The following NFIB variants were observed in gnomAD, a reference collection of about 807,000 sequenced individuals.
The protein encoded by NFIB is nuclear factor 1 B-type.
NFIB carries 11 observed loss-of-function variants against 61.5 expected under a neutral mutation model. The observed-to-expected ratio is 0.18, with a 90% CI of 0.11 to 0.30. NFIB has a LOEUF of 0.30. Among genes scored for constraint, NFIB ranks in the 10% least tolerant of loss-of-function variants. The pLI is 1.00. For synonymous variants in NFIB, 260 were observed against 216.5 expected, an observed-to-expected ratio of 1.20 and a Z score of -1.76; for missense variants, 471 against 608.9, an observed-to-expected ratio of 0.77 and a Z score of 2.38.
intron 2 of NFIB, among the ~76,000 whole-genome samples, chr9:14,255,297 CT>C (rs1388635011): frequency 6.6e-6 from 1 of 152,134 alleles, no homozygotes; most frequent in Non-Finnish European, 1.5e-5. Flanking sequence ...TTTTTTGATT[CT>C]GCAACTGTAA....
At chr9:14,385,096 A>G (rs2061534074) in intron 1 of NFIB, among the ~76,000 whole-genome samples, 1 of 152,216 alleles carries the variant, frequency 6.6e-6, no homozygotes, top group Non-Finnish European at 1.5e-5. Flanking sequence ...AAGAGCTAAC[A>G]ATCCTCAGGG....
At chr9:14,290,127 T>C (rs1297392753) in intron 2 of NFIB, among the ~76,000 whole-genome samples, 1 of 151,982 alleles carries the variant, frequency 6.6e-6, no homozygotes, top group Admixed American at 6.6e-5. Flanking sequence ...TATCATGTCT[T>C]TGTACTCTAG....
At chr9:14,167,084 G>T (rs921465303) in intron 3 of NFIB, among the ~76,000 whole-genome samples, 5 of 37,614 alleles carry the variant, frequency 1.3e-4, no homozygotes, top group South Asian at 1.8e-3. Flanking sequence ...TGTGTGTGTC[G>T]GGGGGGGGGG....
At chr9:14,447,151 G>A in the NFIB span, among the ~76,000 whole-genome samples, 1 of 152,086 alleles carries the variant, frequency 6.6e-6, no homozygotes, top group African/African-American at 2.4e-5. Flanking sequence ...ATAGTTTATT[G>A]TTTCTGTTTC....
chr9:14,413,945 G>A, the NFIB span, among the ~76,000 whole-genome samples: 1 of 152,174 alleles, frequency 6.6e-6, no homozygotes, highest in Non-Finnish European at 1.5e-5. Flanking sequence ...GAGTGTTCCT[G>A]TGGAAATCCT....
rs986818851 is a variant in NFIB, at chr9:14,120,255, C to T, written c.1245+185G>A. Among the ~76,000 whole-genome samples, 2 of 152,166 alleles carry T rather than the reference C, an allele frequency of 1.3e-5. No individual in the cohort carries two copies. Among genetic ancestry groups the T allele is most frequent in the Non-Finnish European group, 2.9e-5 (2 of 68,032 alleles). On this transcript the variant is annotated intron_variant, in intron 8 of 10. Transcript: ENST00000380953. This position sits in a 1 kb window ranked among gnomAD's most constrained non-coding sequence, Gnocchi z 4.4. ...CACAAATGTACCCTTTGGGGCAACACACTTCCTACCTGTCATTCAGCCACC... is the reference window on the plus strand; with the variant it reads ...CACAAATGTACCCTTTGGGGCAACATACTTCCTACCTGTCATTCAGCCACC...
intron 1 of NFIB, chr9:14,322,008 G>C (rs2060672521): frequency 8.2e-7 from 1 of 1,226,338 alleles, no homozygotes; most frequent in East Asian, 3.2e-5. Flanking sequence ...CCGCTGACTT[G>C]ACGTGTCTCA....
intron 2 of NFIB, among the ~76,000 whole-genome samples, chr9:14,193,925 C>T (rs901029272): frequency 1.3e-5 from 2 of 152,034 alleles, no homozygotes; most frequent in Non-Finnish European, 2.9e-5. Flanking sequence ...AGCATTGCAC[C>T]CTATGCAATG....
the NFIB span, among the ~76,000 whole-genome samples, chr9:14,503,075 G>C: frequency 6.6e-6 from 1 of 150,766 alleles, no homozygotes; most frequent in Admixed American, 6.6e-5. Context: ...TTATGGCTGA[G>C]TAGTATTTTA....
At chr9:14,236,290 C>T (rs10961443) in intron 2 of NFIB, among the ~76,000 whole-genome samples, 3 of 152,088 alleles carry the variant, frequency 2.0e-5, no homozygotes, top group Admixed American at 6.6e-5. Context: ...CTTCTAACTT[C>T]TCTCTGCCCT....
rs2061499912 is a variant in NFIB at position 14,382,435 on chromosome 9, TC to T, written c.108+16088del. On this transcript the variant is annotated intron_variant, in intron 1 of 8. Transcript: ENST00000380934. ...ATTTGGAAGATGACCGATCCACTCTTCCCAGTAGAATATAAGTAAGTACTGT... is the reference window on the plus strand; with the variant it reads ...ATTTGGAAGATGACCGATCCACTCTTCCAGTAGAATATAAGTAAGTACTGT... 2.6e-5 allele frequency among the ~76,000 whole-genome samples: 4 copies of T among 152,086 alleles called. No individual in the cohort carries two copies. In the South Asian group the frequency reaches 8.3e-4, roughly 31 times the overall value.
the NFIB span, among the ~76,000 whole-genome samples, chr9:14,456,955 G>T: frequency 6.6e-6 from 1 of 152,124 alleles, no homozygotes; most frequent in South Asian, 2.1e-4. Flanking sequence ...TTTGGACGAT[G>T]GCTAAATAAA....
chr9:14,231,135 A>AATATATATATATAT lies in NFIB; in HGVS notation c.563-51369_563-51356dup, dbSNP rs1554681460. Among the ~76,000 whole-genome samples the AATATATATATATAT allele has an allele frequency of 4.2e-4, 15 of 35,342 alleles. 1 individual carries two copies. The highest frequency in any genetic ancestry group is 2.5e-3 in the East Asian group (3 of 1,178). 23.2% of individuals were successfully genotyped at this position (35,342 alleles called of 152,430 possible). On this transcript the variant is annotated intron_variant, in intron 2 of 10. Transcript: ENST00000380953. ...TTTCCATGGGGAAAAAAAAAAAAAA[A>AATATATATATATAT]ATATATATATATATATATATATATA...
At position 14,088,193 on chromosome 9, in the gene NFIB, T is replaced by C; in HGVS notation, c.*116A>G. 6.6e-7 allele frequency: 1 copy of C among 1,521,134 alleles called. No homozygotes were observed. The highest frequency in any genetic ancestry group is 1.4e-5 in the African/African-American group (1 of 72,070). The allele number at this position is 1,521,134 out of a possible 1,614,324, so 94.2% of individuals were successfully genotyped here. On this transcript the variant is annotated 3_prime_UTR_variant, in exon 11 of 11. Coordinates refer to ENST00000380953, the MANE Select transcript of NFIB (RefSeq NM_001190737.2). Reference sequence around the variant, plus strand: ...CTTAAACTATTGTTGTGTTTCTTTTTCCCTCAGTTGCTTGTTTCTGCTTGA... The same window carrying C: ...CTTAAACTATTGTTGTGTTTCTTTTCCCCTCAGTTGCTTGTTTCTGCTTGA...
chr9:14,236,776 G>T (rs2053787217), intron 2 of NFIB, among the ~76,000 whole-genome samples: 1 of 151,834 alleles, frequency 6.6e-6, no homozygotes, highest in Non-Finnish European at 1.5e-5. Context: ...GGCAACTTCA[G>T]TTTTGGAAGA....
chr9:14,396,504 G>A (rs923200506), intron 1 of NFIB, among the ~76,000 whole-genome samples: 8 of 151,938 alleles, frequency 5.3e-5, no homozygotes, highest in African/African-American at 1.9e-4. Flanking sequence ...TTACTTTTTG[G>A]TGTATTATAG....
At chr9:14,376,835 T>TA (rs1229367461) in intron 1 of NFIB, among the ~76,000 whole-genome samples, 19 of 151,876 alleles carry the variant, frequency 1.3e-4, no homozygotes, top group African/African-American at 4.4e-4. Context: ...GCCATTTTTT[T>TA]TAAAAAAAGA....
chr9:14,388,958 G>C (rs1338259100), intron 1 of NFIB, among the ~76,000 whole-genome samples: 2 of 152,132 alleles, frequency 1.3e-5, no homozygotes, highest in African/African-American at 4.8e-5. Context: ...TCATGCTGGG[G>C]CTGTATCAGA....
chr9:14,477,592 G>T, the NFIB span, among the ~76,000 whole-genome samples: 2 of 152,196 alleles, frequency 1.3e-5, no homozygotes, highest in Admixed American at 1.3e-4. Context: ...GTGGTATATT[G>T]CGAAGTGAGG....
Sources: allele counts gnomAD v4.1 joint callset (sites outside exome capture counted in the v4.1 genomes callset), GRCh38; gene constraint gnomAD v4.1.1; non-coding constraint Gnocchi (gnomAD v3.1); transcripts MANE v1.5; gene names NCBI Gene and HGNC (gene_info 2026-07-23, HGNC 2026-07-21).